CDC42BPG: variants seen among roughly 807,000 people sequenced by gnomAD.
CDC42BPG encodes the protein CDC42 binding protein kinase gamma, also known as serine/threonine-protein kinase MRCK gamma.
Under a neutral mutation model 192.2 loss-of-function variants are expected in CDC42BPG, and 157 were observed. The observed-to-expected ratio is 0.82, with a 90% confidence interval of 0.72 to 0.93. The LOEUF (loss-of-function observed/expected upper bound fraction) is 0.93, where lower values mean the gene tolerates loss of function less well. Ranked by LOEUF, CDC42BPG falls within the 40% of genes least tolerant of loss-of-function variation. CDC42BPG has a pLI of 0.00. For synonymous variants in CDC42BPG, 981 were observed against 918.5 expected (o/e 1.07, Z -1.23); for missense variants, 1,992 against 2,122.1 (o/e 0.94, Z 1.20).
At position 64,839,191 on chromosome 11, in the gene CDC42BPG, G is replaced by A; in HGVS notation, c.718C>T (p.Pro240Ser). ...TCCTCCATGGCCTGCAGGATCTCAG[G>A]GGAGATATAGTCCGGCGTCCCTACT... ...VAVGTPDYIS[P>S]EILQAMEEGK... Residue 240 changes from proline (P) to serine (S), a missense_variant, in exon 7 of 37, where the codon CCT (proline) becomes TCT (serine). Around this residue, in one of 2 missense-constraint regions of CDC42BPG, gnomAD observed 1,656 missense variants for 1,844.3 expected, o/e 0.90. Transcript: ENST00000342711. 2 of 1,613,340 alleles carry A rather than the reference G, an allele frequency of 1.2e-6. No homozygotes were observed. The highest frequency in any genetic ancestry group is 1.7e-6 in the Non-Finnish European group (2 of 1,180,038).
rs1374410113 is a variant in CDC42BPG at position 64,832,838 on chromosome 11, C to T, written c.2853G>A (p.Glu951=). 2 of 1,584,132 alleles carry T rather than the reference C, an allele frequency of 1.3e-6. No individual in the cohort carries two copies. Among genetic ancestry groups the T allele is most frequent in the East Asian group, 4.7e-5 (2 of 42,344 alleles). Residue 951 remains glutamate (E), a synonymous_variant, in exon 25 of 37, where the codon GAG becomes GAA. Coordinates refer to ENST00000342711, the MANE Select transcript of CDC42BPG (RefSeq NM_017525.3). The part of the protein sequence containing the change: ...HPETGTGTAY[E]GFLSVPRPSG... The stretch of plus-strand genomic sequence containing the variant: ...GGCCCCCACTCACCGACAGAAAGCC[C>T]TCATAGGCAGTGCCTGTGCCTGTTT...
intron 28 of CDC42BPG, among the ~76,000 whole-genome samples, chr11:64,831,204 C>T (rs760232027): frequency 2.7e-5 from 4 of 148,280 alleles, no homozygotes; most frequent in African/African-American, 5.0e-5. Context: ...GGCGACCGAG[C>T]GAGACTCTGT....
chr11:64,835,459 G>A (rs776822000), intron 15 of CDC42BPG, 40 bp from the exon 16 acceptor site: 4 of 1,610,258 alleles, frequency 2.5e-6, no homozygotes, highest in Non-Finnish European at 2.5e-6. Context: ...CACCGCCCAG[G>A]CCAGGCCCGG....
intron 1 of CDC42BPG, among the ~76,000 whole-genome samples, chr11:64,842,939 C>A (rs976057885): frequency 1.3e-5 from 2 of 152,236 alleles, no homozygotes; most frequent in South Asian, 4.1e-4. Flanking sequence ...AAGCCCGCAG[C>A]GGGGGCGGGG....
Position 64,833,737 on chromosome 11 carries a change from C to A in CDC42BPG, c.2565+1G>T, listed in dbSNP as rs1194586548. On this transcript the variant is annotated splice_donor_variant, in intron 22 of 36. Transcript: ENST00000342711. LOFTEE classifies it high-confidence loss of function. ...CCTACGATGGACCCACCTGTCCTCA[C>A]CCCCATGCGCAGGCTGCGTCGGCCC... The A allele has an allele frequency of 1.2e-6, 2 of 1,613,970 alleles. No individual in the cohort carries two copies. Among genetic ancestry groups the A allele is most frequent in the African/African-American group, 1.3e-5 (1 of 75,068 alleles).
chr11:64,841,912 G>A lies in CDC42BPG; in HGVS notation c.161-8C>T, dbSNP rs1943298112. On this transcript the variant is annotated splice_region_variant and splice_polypyrimidine_tract_variant and intron_variant, in intron 1 of 36. Transcript: ENST00000342711. ...TTGATACGAAGGGGCTGGCTGAGGG[G>A]ACACAGGGCGGGACTCAGAGTGCAG... The A allele has an allele frequency of 6.3e-7, 1 of 1,587,650 alleles. No homozygotes were observed. Among genetic ancestry groups the A allele is most frequent in the Non-Finnish European group, 8.6e-7 (1 of 1,166,126 alleles).
intron 34 of CDC42BPG, 27 bp downstream of exon 34, chr11:64,827,023 G>T: frequency 6.7e-7 from 1 of 1,492,868 alleles, no homozygotes; most frequent in Non-Finnish European, 9.3e-7. Flanking sequence ...CACCAAAGTG[G>T]CTTGTGATTG....
In CDC42BPG at chr11:64,826,801, G is replaced by C; in HGVS notation, c.4390-7C>G. 1 of 1,493,046 alleles carries C rather than the reference G, an allele frequency of 6.7e-7. No homozygotes were observed. Among genetic ancestry groups the C allele is most frequent in the African/African-American group, 1.4e-5 (1 of 71,548 alleles). 92.5% of individuals were successfully genotyped at this position (1,493,046 alleles called of 1,614,324 possible). ...GGCCCTTCTCTTCGGGAGCCTGTTGGGTGACAGTGCGGAGGGGCTGGGACT... is the reference window on the plus strand; with the variant it reads ...GGCCCTTCTCTTCGGGAGCCTGTTGCGTGACAGTGCGGAGGGGCTGGGACT... On this transcript the variant is annotated splice_polypyrimidine_tract_variant and splice_region_variant and intron_variant, in intron 34 of 36. Transcript: ENST00000342711.
intron 3 of CDC42BPG, 71 bp downstream of exon 3, chr11:64,841,579 G>A: frequency 7.5e-7 from 1 of 1,340,224 alleles, no homozygotes; most frequent in Non-Finnish European, 1.1e-6. Context: ...CGCGCCATAG[G>A]CCCTGGCAGC....
chr11:64,833,896 C>T (rs377615243), intron 21 of CDC42BPG, 29 bp downstream of exon 21: 43 of 1,614,226 alleles, frequency 2.7e-5, no homozygotes, highest in Non-Finnish European at 3.3e-5. Flanking sequence ...AGAACTTCTC[C>T]CCAACAAGCC....
At position 64,840,147 on chromosome 11, in the gene CDC42BPG, G is replaced by C. The variant is rs367737450; in HGVS notation, c.554C>G (p.Ser185Trp). ...GTGGACATAACCCAGCTGGTGCAGC[G>C]AGTGGATGGCCAGCACCATCTCAGC... ...YLAEMVLAIH[S>W]LHQLGYVHRD... The change falls in exon 5 of 37, where the codon TCG (serine) becomes TGG (tryptophan). Residue 185 changes from serine to tryptophan, a missense_variant. Ser to Trp is a radical substitution (Grantham distance 177). Around this residue, in one of 2 missense-constraint regions of CDC42BPG, gnomAD observed 1,656 missense variants for 1,844.3 expected, o/e 0.90. Transcript: ENST00000342711. The C allele has an allele frequency of 6.8e-6, 11 of 1,612,802 alleles. No homozygotes were observed. The highest frequency in any genetic ancestry group is 9.3e-6 in the Non-Finnish European group (11 of 1,179,830).
intron 17 of CDC42BPG, 30 bp downstream of exon 17, chr11:64,835,017 T>TTGGCCCCCCCCCCCC: frequency 1.9e-6 from 3 of 1,571,954 alleles, no homozygotes; most frequent in Non-Finnish European, 2.6e-6. Context: ...TCGCCTGCGT[T>TTGGCCCCCCCCCCCC]CCCCACCCCG....
At position 64,827,180 on chromosome 11, in the gene CDC42BPG, G is replaced by C. The variant is rs754402866; in HGVS notation, c.4272-13C>G. On this transcript the variant is annotated splice_polypyrimidine_tract_variant and intron_variant, in intron 33 of 36. Coordinates refer to ENST00000342711, the MANE Select transcript of CDC42BPG (RefSeq NM_017525.3). ...CTTCAGCATCTCCCTGTGGGCGGAG[G>C]TGTAAGTAGTGGGTGGCGAAGCTCC... is the stretch of plus-strand genomic sequence containing the variant. The C allele has an allele frequency of 3.7e-6, 6 of 1,613,544 alleles. No homozygotes were observed. The highest frequency in any genetic ancestry group is 5.1e-6 in the Non-Finnish European group (6 of 1,179,484).
chr11:64,841,564 C>T (rs947590142), intron 3 of CDC42BPG, 86 bp downstream of exon 3: 1 of 1,119,866 alleles, frequency 8.9e-7, no homozygotes, highest in East Asian at 2.4e-5. Flanking sequence ...CTTGCCCGCC[C>T]CCCCCGCGCC....
In CDC42BPG at chr11:64,831,726, G is replaced by A. The variant is rs1461167519; in HGVS notation, c.3088-5C>T. ...TGCCAGCTGGGAGGTTGTCACCTGT[G>A]GGCAAGGACCCCAGCTGGAGGGCCG... On this transcript the variant is annotated splice_region_variant and splice_polypyrimidine_tract_variant and intron_variant, in intron 27 of 36. Transcript: ENST00000342711. 1.9e-6 allele frequency: 3 copies of A among 1,585,490 alleles called. No individual in the cohort carries two copies. The highest frequency in any genetic ancestry group is 2.6e-6 in the Non-Finnish European group (3 of 1,169,534).
intron 5 of CDC42BPG, among the ~76,000 whole-genome samples, 154 bp from the exon 6 acceptor site, chr11:64,839,725 T>C (rs1351141123): frequency 6.6e-6 from 1 of 152,152 alleles, no homozygotes; most frequent in African/African-American, 2.4e-5. Flanking sequence ...CGTGTGTGTG[T>C]GTAGATGATC....
In CDC42BPG at chr11:64,844,494, G is replaced by T. The variant is rs1943418033; in HGVS notation, c.76C>A (p.Leu26Ile). The T allele has an allele frequency of 5.8e-6, 8 of 1,389,114 alleles. No individual in the cohort carries two copies. Among genetic ancestry groups the T allele is most frequent in the Non-Finnish European group, 7.5e-6 (8 of 1,071,874 alleles). 86.0% of individuals were successfully genotyped at this position (1,389,114 alleles called of 1,614,324 possible). ...AGGCPGLDGL[L>I]DLLLALHHEL... ...TGGTGCAGCGCCAGCAGCAGATCTA[G>T]GAGGCCGTCGAGCCCCGGGCAGCCG... The change falls in exon 1 of 37, where the codon CTA (leucine) becomes ATA (isoleucine). Residue 26 changes from leucine (L) to isoleucine (I), a missense_variant. By Grantham distance (5) the Leu-to-Ile change is conservative. Coordinates refer to ENST00000342711, the MANE Select transcript of CDC42BPG (RefSeq NM_017525.3).
Position 64,827,367 on chromosome 11 carries a change from G to A in CDC42BPG, c.4182C>T (p.Thr1394=), listed in dbSNP as rs200738263. 4.3e-6 allele frequency: 7 copies of A among 1,614,076 alleles called. No individual in the cohort carries two copies. The highest frequency in any genetic ancestry group is 2.7e-5 in the African/African-American group (2 of 75,056). ...EKDEFDIPDL[T]DNSRRQLFRT... Reference sequence around the variant, plus strand: ...GGAACAGCTGGCGCCGGCTGTTGTCGGTGAGGTCCGGGATGTCGAACTCGT... The same window carrying A: ...GGAACAGCTGGCGCCGGCTGTTGTCAGTGAGGTCCGGGATGTCGAACTCGT... Residue 1394 remains threonine (T), a synonymous_variant, in exon 33 of 37, where the codon ACC becomes ACT. Transcript: ENST00000342711.
rs754596565 is a variant in CDC42BPG, at chr11:64,836,282, AC to A, written c.1502del (p.Gly501ValfsTer43). On this transcript the variant is annotated frameshift_variant, in exon 13 of 37. Coordinates refer to ENST00000342711, the MANE Select transcript of CDC42BPG (RefSeq NM_017525.3). LOFTEE classifies it high-confidence loss of function. ...GCTCCTGAGCCTGCAGCCCTGCCCGACCCTCGGCCAGCTCCTGAGGAGGCAG... is the reference window on the plus strand; with the variant it reads ...GCTCCTGAGCCTGCAGCCCTGCCCGACCTCGGCCAGCTCCTGAGGAGGCAG... ...LDRLHRELAE[G>X]RAGLQAQEQE... 17 of 1,604,690 alleles carry A rather than the reference AC, an allele frequency of 1.1e-5. No individual in the cohort carries two copies. The African/African-American group carries it at 2.1e-4, about 20-fold the overall frequency.
Sources: allele counts gnomAD v4.1 joint callset (sites outside exome capture counted in the v4.1 genomes callset), GRCh38; gene constraint gnomAD v4.1.1; regional missense constraint gnomAD v4.1.1; transcripts MANE v1.5; gene names NCBI Gene and HGNC (gene_info 2026-07-23, HGNC 2026-07-21).